LTBP2: variants seen among roughly 807,000 people sequenced by gnomAD.
The protein encoded by LTBP2 is latent transforming growth factor beta binding protein 2, also known as latent-transforming growth factor beta-binding protein 2.
A neutral mutation model predicts 210.6 loss-of-function variants in LTBP2; 103 were observed. The observed-to-expected ratio is 0.49, with a 90% CI of 0.42 to 0.58. LTBP2 has a LOEUF of 0.58. Among genes scored for constraint, LTBP2 ranks in the 20% least tolerant of loss-of-function variants. The pLI is 0.00. For missense variants in LTBP2, 2,313 were observed against 2,494.5 expected (o/e 0.93, Z 1.55); for synonymous variants, 1,007 against 1,015.0 (o/e 0.99, Z 0.15).
Position 74,612,103 on chromosome 14 carries a change from C to T in LTBP2, c.-159G>A. On this transcript the variant is annotated 5_prime_UTR_variant, in exon 1 of 36. Coordinates refer to ENST00000261978, the MANE Select transcript of LTBP2 (RefSeq NM_000428.3). ...GGCCGACTGGGGGCCCGGCTCTCGGCGGAACGAGGGCTGCGCGCCCCGAGC... is the reference window on the plus strand; with the variant it reads ...GGCCGACTGGGGGCCCGGCTCTCGGTGGAACGAGGGCTGCGCGCCCCGAGC... 1 of 734,834 alleles carries T rather than the reference C, an allele frequency of 1.4e-6. No homozygotes were observed. Among genetic ancestry groups the T allele is most frequent in the Non-Finnish European group, 2.0e-6 (1 of 492,140 alleles). The allele number at this position is 734,834 out of a possible 1,614,324, so 45.5% of individuals were successfully genotyped here. A position where few individuals can be genotyped will look rare whatever the true frequency, so the allele number is the denominator to read the frequency against.
intron 30 of LTBP2, among the ~76,000 whole-genome samples, chr14:74,504,305 G>A (rs1222686415): frequency 2.0e-5 from 3 of 152,210 alleles, no homozygotes; most frequent in Non-Finnish European, 2.9e-5. Flanking sequence ...CCCAAGAAAA[G>A]CAATCTCTGT....
At chr14:74,581,896 G>A (rs1482142341) in intron 3 of LTBP2, among the ~76,000 whole-genome samples, 1 of 152,096 alleles carries the variant, frequency 6.6e-6, no homozygotes, top group Non-Finnish European at 1.5e-5. Flanking sequence ...GGAGCAGCCT[G>A]CTGGAAGCCA....
Position 74,558,903 on chromosome 14 carries a change from C to T in LTBP2, c.831-3210G>A, listed in dbSNP as rs557204981. On this transcript the variant is annotated intron_variant, in intron 3 of 35. Coordinates refer to ENST00000261978, the MANE Select transcript of LTBP2 (RefSeq NM_000428.3). ...AGACAGATGTTGGTTCTGCCTCTTA[C>T]TAGCAGCACAGCCTTGAGCAAGTCA... Among the ~76,000 whole-genome samples, 64 of 152,290 alleles carry T rather than the reference C, an allele frequency of 4.2e-4. 1 individual carries two copies. Among genetic ancestry groups the T allele is most frequent in the African/African-American group, 1.5e-3 (62 of 41,562 alleles).
chr14:74,582,826 G>A (rs1425217442), intron 3 of LTBP2, among the ~76,000 whole-genome samples: 1 of 152,220 alleles, frequency 6.6e-6, no homozygotes, highest in Non-Finnish European at 1.5e-5. Context: ...GTTCCCAGGT[G>A]ACTTACCTAC....
At chr14:74,509,994 CA>C (rs2139696815) in intron 20 of LTBP2, 96 bp downstream of exon 20, 1 of 1,610,738 alleles carries the variant, frequency 6.2e-7, no homozygotes, top group Non-Finnish European at 8.5e-7. Flanking sequence ...GATGCAAGGC[CA>C]GGGGTGGATT....
chr14:74,501,489 C>G lies in LTBP2; in HGVS notation c.5272G>C (p.Asp1758His), dbSNP rs200392077. 1.9e-6 allele frequency: 3 copies of G among 1,614,180 alleles called. No individual in the cohort carries two copies. Among genetic ancestry groups the G allele is most frequent in the Non-Finnish European group, 2.5e-6 (3 of 1,180,018 alleles). The change falls in exon 35 of 36, where the codon GAC becomes CAC. Residue 1758 changes from aspartate to histidine, a missense_variant. This residue lies in a region of LTBP2 where 443 missense variants were observed against 501.4 expected (regional missense o/e 0.88). Coordinates refer to ENST00000261978, the MANE Select transcript of LTBP2 (RefSeq NM_000428.3). The part of the protein sequence containing the change: ...CVRVREGYTC[D>H]CFEGFQLDAA... The stretch of plus-strand genomic sequence containing the variant: ...TCCAGCTGGAAGCCCTCAAAACAGT[C>G]ACAGGTGTAGCCCTCCCGCACGCGC...
chr14:74,512,245 A>G (rs557930907), intron 18 of LTBP2, among the ~76,000 whole-genome samples: 5 of 152,332 alleles, frequency 3.3e-5, no homozygotes, highest in Admixed American at 2.6e-4. Context: ...GGAGGACATT[A>G]TGCCCCTCTG....
Position 74,498,403 on chromosome 14 carries a change from A to G in LTBP2, c.*2481T>C, listed in dbSNP as rs2086874188. The G allele has an allele frequency of 1.0e-5, 2 of 200,190 alleles. No individual in the cohort carries two copies. The highest frequency in any genetic ancestry group is 2.3e-5 in the African/African-American group (1 of 43,594). The allele number at this position is 200,190 out of a possible 1,614,324, so 12.4% of individuals were successfully genotyped here. A position where few individuals can be genotyped will look rare whatever the true frequency, so the allele number is the denominator to read the frequency against. On this transcript the variant is annotated 3_prime_UTR_variant, in exon 36 of 36. Transcript: ENST00000261978. Reference sequence around the variant, plus strand: ...AAGAATATTCATTACAGCATTATTTATAGCAAAAGACAGGAAACAATGGAA... The same window carrying G: ...AAGAATATTCATTACAGCATTATTTGTAGCAAAAGACAGGAAACAATGGAA...
intron 3 of LTBP2, among the ~76,000 whole-genome samples, chr14:74,585,151 C>T (rs571816435): frequency 6.6e-6 from 1 of 152,222 alleles, no homozygotes; most frequent in Non-Finnish European, 1.5e-5. Flanking sequence ...GGCAAGCAGG[C>T]CAGGGAATCC....
At position 74,552,168 on chromosome 14, in the gene LTBP2, C is replaced by A. The variant is rs1465763020; in HGVS notation, c.1399+19G>T. The A allele has an allele frequency of 6.3e-7, 1 of 1,581,268 alleles. No individual in the cohort carries two copies. The highest frequency in any genetic ancestry group is 8.6e-7 in the Non-Finnish European group (1 of 1,166,760). On this transcript the variant is annotated intron_variant, in intron 6 of 35. Transcript: ENST00000261978. The stretch of plus-strand genomic sequence containing the variant: ...CACTCCTCCCAGGGTCCCGCCGGCC[C>A]AGCTGTGCCGGCACTCACCCAGCTG...
intron 2 of LTBP2, among the ~76,000 whole-genome samples, chr14:74,597,063 T>C (rs561613634): frequency 6.6e-6 from 1 of 152,024 alleles, no homozygotes; most frequent in Admixed American, 6.6e-5. Context: ...AAAAACAAAA[T>C]AGAAGACCCC....
At chr14:74,509,173 G>A (rs2139695688) in intron 22 of LTBP2, 65 bp downstream of exon 22, 8 of 1,611,138 alleles carry the variant, frequency 5.0e-6, no homozygotes, top group Non-Finnish European at 6.8e-6. Flanking sequence ...CACCTGCTGG[G>A]CTTCACCATG....
At chr14:74,572,898 G>T (rs903877124) in intron 3 of LTBP2, among the ~76,000 whole-genome samples, 1 of 152,126 alleles carries the variant, frequency 6.6e-6, no homozygotes, top group Non-Finnish European at 1.5e-5. Flanking sequence ...TTGCTTCATT[G>T]CTCCCAGCCT....
At position 74,503,268 on chromosome 14, in the gene LTBP2, G is replaced by A. The variant is rs372229732; in HGVS notation, c.4839C>T (p.Asp1613=). 43 of 1,614,038 alleles carry A rather than the reference G, an allele frequency of 2.7e-5. No individual in the cohort carries two copies. In the Admixed American group the frequency reaches 4.5e-4, roughly 17 times the overall value. Residue 1613 remains aspartate (D), a synonymous_variant, in exon 33 of 36, where the codon GAC becomes GAT. Coordinates refer to ENST00000261978, the MANE Select transcript of LTBP2 (RefSeq NM_000428.3). The part of the protein sequence containing the change: ...RTTYTECCCQ[D]GEAWSQQCAL... ...CACACTGCTGGCTCCAGGCCTCGCC[G>A]TCCTGGCAGCAGCATTCCGTGTAGG... is the stretch of plus-strand genomic sequence containing the variant.
At chr14:74,602,365 A>C (rs2088460201) in intron 2 of LTBP2, among the ~76,000 whole-genome samples, 1 of 152,236 alleles carries the variant, frequency 6.6e-6, no homozygotes, top group Admixed American at 6.5e-5. Context: ...GTACATACTC[A>C]GTTGTTAGCT....
intron 1 of LTBP2, among the ~76,000 whole-genome samples, chr14:74,607,164 T>G (rs2088538293): frequency 6.6e-6 from 1 of 152,228 alleles, no homozygotes; most frequent in African/African-American, 2.4e-5. Flanking sequence ...AGTTACATGG[T>G]GAGAAAGTGA....
At chr14:74,572,514 C>A (rs1207602430) in intron 3 of LTBP2, among the ~76,000 whole-genome samples, 2 of 151,414 alleles carry the variant, frequency 1.3e-5, no homozygotes, top group Non-Finnish European at 2.9e-5. Flanking sequence ...GCTCACAGTG[C>A]CTTTTCTGAC....
chr14:74,508,409 G>A (rs2087019799), intron 24 of LTBP2, among the ~76,000 whole-genome samples, 195 bp downstream of exon 24: 1 of 152,060 alleles, frequency 6.6e-6, no homozygotes, highest in South Asian at 2.1e-4. Flanking sequence ...CCTGAGCCCC[G>A]GGCTCCCTCA....
chr14:74,540,821 TTTTTATATAATATATATTTA>T (rs2087488479), intron 8 of LTBP2, among the ~76,000 whole-genome samples: 2 of 19,992 alleles, frequency 1.0e-4, no homozygotes, highest in East Asian at 1.1e-3. Flanking sequence ...TATATATATA[TTTTTATATAATATATATTTA>T]TATATATTAT....
Sources: allele counts gnomAD v4.1 joint callset (sites outside exome capture counted in the v4.1 genomes callset), GRCh38; gene constraint gnomAD v4.1.1; regional missense constraint gnomAD v4.1.1; transcripts MANE v1.5; gene names NCBI Gene and HGNC (gene_info 2026-07-23, HGNC 2026-07-21).